RIMS2: variants seen among roughly 807,000 people sequenced by gnomAD.
The protein encoded by RIMS2 is regulating synaptic membrane exocytosis 2.
Under a neutral mutation model 174.4 loss-of-function variants are expected in RIMS2, and 59 were observed. That is an observed-to-expected ratio of 0.34 (90% CI 0.27 to 0.42). The LOEUF is 0.42. Among genes scored for constraint, RIMS2 ranks in the 10% least tolerant of loss-of-function variants. The probability of loss-of-function intolerance (pLI) is 1.00; values close to 1 mark genes in which losing one functional copy is unlikely to be tolerated. For synonymous variants in RIMS2, 606 were observed against 572.5 expected (o/e 1.06, Z -0.84); for missense variants, 1,620 against 1,666.3 (o/e 0.97, Z 0.48).
chr8:103,846,593 C>A (rs547957035), intron 3 of RIMS2, among the ~76,000 whole-genome samples: 2 of 152,244 alleles, frequency 1.3e-5, no homozygotes, highest in Admixed American at 6.6e-5. Context: ...GTATTCACAG[C>A]AGCTGGAAGA....
chr8:104,017,690 A>G (rs1330582069), intron 19 of RIMS2, among the ~76,000 whole-genome samples: 1 of 152,232 alleles, frequency 6.6e-6, no homozygotes, highest in African/African-American at 2.4e-5. Flanking sequence ...TCTCTTTTAC[A>G]AATCAAAGTC....
chr8:103,501,074 G>A lies in RIMS2; in HGVS notation c.176+12G>A. The A allele has an allele frequency of 6.4e-7, 1 of 1,552,512 alleles. No individual in the cohort carries two copies. ...CAGTCCGTGCTCAAGTAAGGACCTG[G>A]CTCCATATTCCCGCCTCTCTCCCTG... On this transcript the variant is annotated intron_variant, in intron 1 of 23. Transcript: ENST00000504942.
chr8:104,207,781 A>G (rs1195227861), intron 19 of RIMS2, among the ~76,000 whole-genome samples: 1 of 151,440 alleles, frequency 6.6e-6, no homozygotes, highest in Non-Finnish European at 1.5e-5. Flanking sequence ...CCATTGCACT[A>G]CAGTCTGGAC....
chr8:103,949,596 A>T (rs2084813209), intron 14 of RIMS2, among the ~76,000 whole-genome samples: 1 of 152,206 alleles, frequency 6.6e-6, no homozygotes, highest in Non-Finnish European at 1.5e-5. Context: ...ACTGAATGAA[A>T]TGAACACCTA....
At chr8:103,861,494 C>A (rs2099058925) in intron 3 of RIMS2, among the ~76,000 whole-genome samples, 1 of 152,084 alleles carries the variant, frequency 6.6e-6, no homozygotes, top group Admixed American at 6.6e-5. Context: ...TGGGTAGACA[C>A]CCAGTAGTGC....
Position 103,918,475 on chromosome 8 carries a change from C to A in RIMS2, c.2071C>A (p.Gln691Lys), listed in dbSNP as rs767359476. 63 of 1,604,472 alleles carry A rather than the reference C, an allele frequency of 3.9e-5. 1 individual carries two copies. The highest frequency in any genetic ancestry group is 2.2e-5 in the East Asian group (1 of 44,678). The change falls in exon 9 of 24, where the codon CAA (glutamine) becomes AAA (lysine). Residue 691 changes from glutamine to lysine, a missense_variant. Around this residue, in one of 2 missense-constraint regions of RIMS2, gnomAD observed 1,395 missense variants for 1,360.1 expected, o/e 1.03. Coordinates refer to ENST00000504942, the Ensembl canonical transcript of RIMS2. Reference sequence around the variant, plus strand: ...GCGAATACCTGATAGCACACATGCACAACTGGAGTCCAGTAAGTTTTATTT... The same window carrying A: ...GCGAATACCTGATAGCACACATGCAAAACTGGAGTCCAGTAAGTTTTATTT...
At chr8:104,252,803 A>G (rs1242348720), downstream of RIMS2, 2 of 152,182 alleles carry the variant, frequency 1.3e-5, no homozygotes, top group Non-Finnish European at 2.9e-5. Flanking sequence ...ATGAAGTTCA[A>G]TATGTGCAAA....
intron 19 of RIMS2, among the ~76,000 whole-genome samples, chr8:104,092,496 C>T (rs1277206000): frequency 6.6e-6 from 1 of 151,812 alleles, no homozygotes; most frequent in Admixed American, 6.6e-5. Flanking sequence ...TGTTACATCA[C>T]CAAGTTGTAA....
intron 1 of RIMS2, among the ~76,000 whole-genome samples, chr8:103,635,760 G>T (rs1251968752): frequency 1.3e-5 from 2 of 151,666 alleles, no homozygotes; most frequent in Non-Finnish European, 2.9e-5. Context: ...GCTGTGCTGG[G>T]GTTCCACCTC....
chr8:103,585,424 C>T (rs1366248343), intron 1 of RIMS2, among the ~76,000 whole-genome samples: 1 of 152,152 alleles, frequency 6.6e-6, no homozygotes, highest in Non-Finnish European at 1.5e-5. Flanking sequence ...TATAAAGACA[C>T]ATGCACACAT....
At chr8:104,108,283 T>TATCATATCTCACTGCATG (rs932117553) in intron 19 of RIMS2, among the ~76,000 whole-genome samples, 1 of 152,134 alleles carries the variant, frequency 6.6e-6, no homozygotes, top group Non-Finnish European at 1.5e-5. Flanking sequence ...ATCCAGGCTG[T>TATCATATCTCACTGCATG]ATCATATCTC....
intron 10 of RIMS2, among the ~76,000 whole-genome samples, chr8:103,924,137 T>A (rs564748769): frequency 6.6e-6 from 1 of 151,792 alleles, no homozygotes; most frequent in Non-Finnish European, 1.5e-5. Flanking sequence ...ATTGTCAGAA[T>A]AACCTTCCAG....
At chr8:103,504,851 T>C (rs867954857) in intron 1 of RIMS2, among the ~76,000 whole-genome samples, 8,311 of 142,380 alleles carry the variant, frequency 0.058, 131 homozygotes, top group Middle Eastern at 0.088. Context: ...TCTTTCTTTT[T>C]TTTTTTTTTT....
chr8:103,552,947 C>T (rs1037132046), intron 1 of RIMS2, among the ~76,000 whole-genome samples: 1 of 152,152 alleles, frequency 6.6e-6, no homozygotes, highest in East Asian at 1.9e-4. Context: ...CAGGAAACAA[C>T]AGGTGCTGGA....
chr8:103,624,633 T>C (rs937453935), intron 1 of RIMS2, among the ~76,000 whole-genome samples: 1 of 152,260 alleles, frequency 6.6e-6, no homozygotes, highest in Non-Finnish European at 1.5e-5. Context: ...GTAATATTAA[T>C]AGTGGATATC....
At position 103,612,243 on chromosome 8, in the gene RIMS2, T is replaced by C. The variant is rs188099894; in HGVS notation, c.177-84843T>C. Among the ~76,000 whole-genome samples the C allele has an allele frequency of 7.9e-5, 12 of 152,382 alleles. No homozygotes were observed. The East Asian group carries it at 2.1e-3, about 27-fold the overall frequency. Reference sequence around the variant, plus strand: ...CTTAAAATAGCTATATTGAATTCTCTGTCTGACAGGTCACATGTCTCTCTA... The same window carrying C: ...CTTAAAATAGCTATATTGAATTCTCCGTCTGACAGGTCACATGTCTCTCTA... On this transcript the variant is annotated intron_variant, in intron 1 of 23. Transcript: ENST00000504942.
intron 19 of RIMS2, among the ~76,000 whole-genome samples, chr8:104,019,306 C>CAATTGATACAATA (rs990688058): frequency 1.3e-5 from 2 of 152,080 alleles, no homozygotes; most frequent in Non-Finnish European, 2.9e-5. Context: ...ACTAATCTTA[C>CAATTGATACAATA]CAATTATCAA....
At chr8:103,807,527 A>G (rs1013547850) in intron 3 of RIMS2, among the ~76,000 whole-genome samples, 1 of 152,144 alleles carries the variant, frequency 6.6e-6, no homozygotes, top group Non-Finnish European at 1.5e-5. Flanking sequence ...AAAATGGGGT[A>G]GTACCTGGAA....
intron 1 of RIMS2, among the ~76,000 whole-genome samples, chr8:103,553,091 A>C (rs747714164): frequency 2.0e-5 from 3 of 152,166 alleles, no homozygotes; most frequent in African/African-American, 4.8e-5. Flanking sequence ...CCATCCTATT[A>C]CTGGGTATAT....
Sources: gnomAD v4.1 joint callset for allele counts (sites outside exome capture counted in the v4.1 genomes callset) on GRCh38, gnomAD v4.1.1 for gene constraint, gnomAD v4.1.1 regional missense constraint, MANE v1.5 for transcripts, NCBI Gene and HGNC (gene_info 2026-07-23, HGNC 2026-07-21) for gene names.